The following TOGARAM2 variants were observed in gnomAD, a reference collection of about 807,000 sequenced individuals.
TOGARAM2 encodes the protein TOG array regulator of axonemal microtubules protein 2.
TOGARAM2 carries 85 observed loss-of-function variants against 93.3 expected under a neutral mutation model. The ratio of observed to expected loss-of-function variants is 0.91; its 90% CI spans 0.76 to 1.09. TOGARAM2 has a LOEUF of 1.09. Among genes scored for constraint, TOGARAM2 ranks in the 50% least tolerant of loss-of-function variants. The probability of loss-of-function intolerance (pLI) is 0.00; values close to 1 mark genes in which losing one functional copy is unlikely to be tolerated. For missense variants in TOGARAM2, 1,277 were observed against 1,334.5 expected (o/e 0.96, Z 0.67); for synonymous variants, 593 against 552.8 (o/e 1.07, Z -1.02).
intron 13 of TOGARAM2, among the ~76,000 whole-genome samples, chr2:29,024,911 C>T (rs530811152): frequency 8.9e-4 from 135 of 152,302 alleles, no homozygotes; most frequent in African/African-American, 3.2e-3. Context: ...TGGACCTGCT[C>T]CTGGGGAGGG....
chr2:29,015,056 G>A (rs1664477030), intron 8 of TOGARAM2, among the ~76,000 whole-genome samples: 1 of 152,206 alleles, frequency 6.6e-6, no homozygotes, highest in East Asian at 1.9e-4. Context: ...CTCTTCCCTG[G>A]TTGGAACGAA....
intron 17 of TOGARAM2, among the ~76,000 whole-genome samples, 175 bp downstream of exon 17, chr2:29,035,831 C>A (rs959231221): frequency 6.6e-6 from 1 of 152,228 alleles, no homozygotes; most frequent in Non-Finnish European, 1.5e-5. Context: ...CGCCTCCTGC[C>A]GGCAGCTTGG....
At chr2:28,990,894 G>C (rs1018048356) in intron 1 of TOGARAM2, among the ~76,000 whole-genome samples, 2 of 151,876 alleles carry the variant, frequency 1.3e-5, no homozygotes, top group African/African-American at 4.8e-5. Flanking sequence ...AGGCGTCTCT[G>C]TCACCTGGGT....
chr2:29,035,033 C>G (rs939919771), intron 16 of TOGARAM2, among the ~76,000 whole-genome samples: 1 of 151,552 alleles, frequency 6.6e-6, no homozygotes, highest in East Asian at 1.9e-4. Flanking sequence ...GCCTGTAATA[C>G]AAGCTACTTG....
intron 18 of TOGARAM2, among the ~76,000 whole-genome samples, chr2:29,044,574 C>A (rs938033246): frequency 1.3e-5 from 2 of 152,082 alleles, no homozygotes; most frequent in African/African-American, 4.8e-5. Context: ...TGGCCTCAGA[C>A]CTGCAGGCTT....
intron 13 of TOGARAM2, among the ~76,000 whole-genome samples, chr2:29,024,632 G>C (rs1665221096): frequency 6.6e-6 from 1 of 152,202 alleles, no homozygotes; most frequent in South Asian, 2.1e-4. Flanking sequence ...CTGCTTCCCT[G>C]TGCCGGGCAT....
At chr2:28,998,012 A>T (rs983898620) in intron 2 of TOGARAM2, 131 bp from the exon 3 acceptor site, 2 of 565,594 alleles carry the variant, frequency 3.5e-6, no homozygotes, top group Non-Finnish European at 6.2e-6. Context: ...GGGCCACCAC[A>T]TGCCTTGGTT....
chr2:29,005,775 G>GT (rs1663718662), intron 6 of TOGARAM2, among the ~76,000 whole-genome samples: 1 of 73,276 alleles, frequency 1.4e-5, no homozygotes, highest in Non-Finnish European at 4.2e-5. Context: ...GTACATGTGT[G>GT]GAGTATCTGT....
rs940294056 is a variant in TOGARAM2, at chr2:29,018,036, C to T, written c.1360+80C>T. The T allele has an allele frequency of 2.8e-6, 4 of 1,447,496 alleles. No individual in the cohort carries two copies. The South Asian group carries it at 4.3e-5, about 16-fold the overall frequency. 89.7% of individuals were successfully genotyped at this position (1,447,496 alleles called of 1,614,324 possible). On this transcript the variant is annotated intron_variant, in intron 10 of 19. Transcript: ENST00000379558. ...ATGCCCTGAGGCATGGCAGAGGTGA[C>T]CTCGGTGGCTTTGCTTCCGCCCCTT...
intron 19 of TOGARAM2, chr2:29,048,661 G>A (rs960445545): frequency 2.0e-5 from 3 of 150,600 alleles, no homozygotes; most frequent in Non-Finnish European, 4.4e-5. Context: ...GTTGTAGCGG[G>A]TGTCAGAATT....
At chr2:29,034,009 A>C (rs531606820) in intron 16 of TOGARAM2, among the ~76,000 whole-genome samples, 1 of 152,232 alleles carries the variant, frequency 6.6e-6, no homozygotes, top group African/African-American at 2.4e-5. Context: ...TGCTGGGAGC[A>C]GTTAGAAACC....
At chr2:28,979,884 C>A (rs150934230), upstream of TOGARAM2, among the ~76,000 whole-genome samples, 165 of 152,322 alleles carry the variant, frequency 1.1e-3, 3 homozygotes, top group East Asian at 0.03. Context: ...TTTGGGGGAG[C>A]TGCACACACA....
At position 29,017,296 on chromosome 2, in the gene TOGARAM2, T is replaced by C; in HGVS notation, c.1187T>C (p.Met396Thr). ...SQCLGSQRAFMKEGLLPLRGS... is the reference protein window; with the variant it reads ...SQCLGSQRAFTKEGLLPLRGS... ...TGCCTGGGCTCCCAGAGAGCCTTCA[T>C]GAAGGAAGGTACTGGGTGCCTGGTG... is the stretch of plus-strand genomic sequence containing the variant. Residue 396 changes from methionine to threonine, a missense_variant, in exon 9 of 20, where the codon ATG becomes ACG. Physicochemically the swap from Met to Thr is moderately conservative, Grantham distance 81. Coordinates refer to ENST00000379558, the MANE Select transcript of TOGARAM2 (RefSeq NM_199280.4). The C allele has an allele frequency of 6.2e-7, 1 of 1,607,112 alleles. No homozygotes were observed. Among genetic ancestry groups the C allele is most frequent in the Non-Finnish European group, 8.5e-7 (1 of 1,176,944 alleles).
chr2:29,033,844 ACT>A (rs141777986), intron 16 of TOGARAM2, among the ~76,000 whole-genome samples: 11 of 151,684 alleles, frequency 7.3e-5, no homozygotes, highest in African/African-American at 2.4e-4. Flanking sequence ...CGGTGGTTGG[ACT>A]CTCTGTGTGA....
At position 29,051,883 on chromosome 2, in the gene TOGARAM2, C is replaced by T. The variant is rs371601964; in HGVS notation, c.2850C>T (p.Arg950=). The T allele has an allele frequency of 1.7e-4, 275 of 1,576,042 alleles. 1 individual carries two copies. The highest frequency in any genetic ancestry group is 7.6e-4 in the Admixed American group (41 of 54,122). ...TGCCTGGACCCAGCGGGAACATCCG[C>T]GGGGTGGTGTGCCGGCTGTCCAGGA... ...GTLPGPSGNI[R]GVVCRLSRSL... Residue 950 remains arginine (R), a synonymous_variant, in exon 20 of 20, where the codon CGC becomes CGT. Transcript: ENST00000379558.
chr2:29,010,229 G>A (rs1303909348), intron 6 of TOGARAM2, among the ~76,000 whole-genome samples: 3 of 151,998 alleles, frequency 2.0e-5, no homozygotes, highest in African/African-American at 7.3e-5. Flanking sequence ...TCCCCTCCCC[G>A]CCCGCCTCCA....
At chr2:28,973,089 T>C (rs897169782) in intron 1 of TOGARAM2, among the ~76,000 whole-genome samples, 33 of 152,328 alleles carry the variant, frequency 2.2e-4, no homozygotes, top group African/African-American at 7.7e-4. Flanking sequence ...TCTAGAGTCC[T>C]GCACCTTCAC....
chr2:28,959,506 C>T (rs1671771656), intron 1 of TOGARAM2, among the ~76,000 whole-genome samples: 1 of 152,184 alleles, frequency 6.6e-6, no homozygotes, highest in African/African-American at 2.4e-5. Flanking sequence ...GTAATCCCAG[C>T]ACTTTGGAAG....
chr2:28,975,773 G>T (rs1171683455), intron 1 of TOGARAM2, among the ~76,000 whole-genome samples: 1 of 151,930 alleles, frequency 6.6e-6, no homozygotes, highest in Non-Finnish European at 1.5e-5. Context: ...ATCCTGTTTA[G>T]GTCTAGCACA....
Sources: gnomAD v4.1 joint callset for allele counts (sites outside exome capture counted in the v4.1 genomes callset) on GRCh38, gnomAD v4.1.1 for gene constraint, MANE v1.5 for transcripts, NCBI Gene and HGNC (gene_info 2026-07-23, HGNC 2026-07-21) for gene names.